Variants in SH3BP5 observed in about 807,000 individuals in gnomAD.
SH3BP5 encodes the protein SH3 domain-binding protein 5.
In SH3BP5, 22 loss-of-function variants were observed where a neutral mutation model predicts 43.3. The observed-to-expected ratio is 0.51, with a 90% CI of 0.36 to 0.73. The LOEUF (loss-of-function observed/expected upper bound fraction) is 0.73. Among genes scored for constraint, SH3BP5 ranks in the 30% least tolerant of loss-of-function variants. The probability of loss-of-function intolerance (pLI) is 0.00; values close to 1 mark genes in which losing one functional copy is unlikely to be tolerated. For synonymous variants in SH3BP5, 255 were observed against 225.8 expected (o/e 1.13, Z -1.16); for missense variants, 529 against 586.9 (o/e 0.90, Z 1.02).
At chr3:15,298,478 C>T (rs749110957) in intron 3 of SH3BP5, among the ~76,000 whole-genome samples, 56 of 152,294 alleles carry the variant, frequency 3.7e-4, no homozygotes, top group Admixed American at 6.5e-4. Flanking sequence ...CTAAATAATC[C>T]GCACTATTTT....
At chr3:15,285,389 C>T (rs1424168874) in intron 3 of SH3BP5, among the ~76,000 whole-genome samples, 1 of 152,140 alleles carries the variant, frequency 6.6e-6, no homozygotes, top group Admixed American at 6.5e-5. Context: ...AACTCATTCC[C>T]CGCTCCGCTC....
chr3:15,299,368 A>C (rs1394048749), intron 3 of SH3BP5, among the ~76,000 whole-genome samples: 1 of 152,190 alleles, frequency 6.6e-6, no homozygotes, highest in Admixed American at 6.5e-5. Flanking sequence ...CTTGGTTTTC[A>C]AGATCACAGA....
chr3:15,310,357 G>A (rs959798526), intron 2 of SH3BP5, among the ~76,000 whole-genome samples: 14 of 152,234 alleles, frequency 9.2e-5, no homozygotes, highest in African/African-American at 3.1e-4. Flanking sequence ...GTTCAACCTA[G>A]CTTTTATAAA....
In SH3BP5 at chr3:15,256,502, C is replaced by T. The variant is rs573301172; in HGVS notation, c.1151-199G>A. 14 of 632,866 alleles carry T rather than the reference C, an allele frequency of 2.2e-5. No individual in the cohort carries two copies. The East Asian group carries it at 2.7e-4, about 12-fold the overall frequency. 39.2% of individuals were successfully genotyped at this position (632,866 alleles called of 1,614,324 possible). A position where few individuals can be genotyped will look rare whatever the true frequency, so the allele number is the denominator to read the frequency against. On this transcript the variant is annotated intron_variant, in intron 8 of 8. Coordinates refer to ENST00000383791, the MANE Select transcript of SH3BP5 (RefSeq NM_004844.5). ...GAGGTTCTCAGTACATAATCATTTA[C>T]TGCTTTTATTCCTTGTGATGTTTTA...
chr3:15,274,136 C>T (rs1696893640), intron 3 of SH3BP5, among the ~76,000 whole-genome samples: 1 of 151,996 alleles, frequency 6.6e-6, no homozygotes, highest in Admixed American at 6.6e-5. Flanking sequence ...GTCCCAGCTA[C>T]TCGGGAGGCT....
At chr3:15,256,792 C>T in intron 8 of SH3BP5, 61 bp downstream of exon 8, 6 of 1,543,320 alleles carry the variant, frequency 3.9e-6, no homozygotes, top group South Asian at 2.5e-5. Context: ...TGGAATGGCA[C>T]AACAGTCAGG....
At chr3:15,288,442 A>G (rs1697323904) in intron 3 of SH3BP5, among the ~76,000 whole-genome samples, 1 of 152,214 alleles carries the variant, frequency 6.6e-6, no homozygotes, top group African/African-American at 2.4e-5. Context: ...TGGAGGTTTC[A>G]GGAGGCAGGA....
At chr3:15,298,280 T>C (rs763954118) in intron 3 of SH3BP5, among the ~76,000 whole-genome samples, 39 of 152,096 alleles carry the variant, frequency 2.6e-4, no homozygotes, top group Non-Finnish European at 5.1e-4. Flanking sequence ...CTCCATTTTA[T>C]GGATGAAAAA....
intron 3 of SH3BP5, among the ~76,000 whole-genome samples, chr3:15,295,700 G>A (rs1447342117): frequency 6.6e-6 from 1 of 152,210 alleles, no homozygotes; most frequent in Non-Finnish European, 1.5e-5. Flanking sequence ...ATCTGAACAT[G>A]AGTTCACTCA....
Position 15,322,830 on chromosome 3 carries a change from G to A in SH3BP5, c.201+7674C>T, listed in dbSNP as rs540837014. Reference sequence around the variant, plus strand: ...ACCCTGGGCAACAGAGACCAACACTGTCTCAGGAAAAAACAAAAACAAAGC... The same window carrying A: ...ACCCTGGGCAACAGAGACCAACACTATCTCAGGAAAAAACAAAAACAAAGC... On this transcript the variant is annotated intron_variant, in intron 2 of 8. Coordinates refer to ENST00000383791, the MANE Select transcript of SH3BP5 (RefSeq NM_004844.5). 1.1e-4 allele frequency among the ~76,000 whole-genome samples: 16 copies of A among 151,422 alleles called. No homozygotes were observed. In the South Asian group the frequency reaches 3.0e-3, roughly 28 times the overall value.
At chr3:15,316,319 G>A (rs188716187) in intron 2 of SH3BP5, among the ~76,000 whole-genome samples, 1 of 142,804 alleles carries the variant, frequency 7.0e-6, no homozygotes, top group African/African-American at 2.6e-5. Flanking sequence ...CCGCCTCCCG[G>A]GTTCAAGTGA....
intron 3 of SH3BP5, among the ~76,000 whole-genome samples, chr3:15,293,147 T>G (rs998837372): frequency 1.6e-4 from 25 of 152,382 alleles, no homozygotes; most frequent in Admixed American, 7.8e-4. Context: ...TAAGAGTCCA[T>G]GCTCAGTTCT....
rs1477355878 is a variant in SH3BP5, at chr3:15,308,005, A to T, written c.202-3774T>A. Among the ~76,000 whole-genome samples, 4 of 152,360 alleles carry T rather than the reference A, an allele frequency of 2.6e-5. 1 individual carries two copies. In the Middle Eastern group the frequency reaches 0.01, roughly 389 times the overall value. On this transcript the variant is annotated intron_variant, in intron 2 of 8. Coordinates refer to ENST00000383791, the MANE Select transcript of SH3BP5 (RefSeq NM_004844.5). ...CGTCAGGGAAAATTCACATTTAAAA[A>T]AAAAATGAATTCTCAAACTTTTCAT...
chr3:15,262,189 T>C lies in SH3BP5; in HGVS notation c.596A>G (p.Lys199Arg). The part of the protein sequence containing the change: ...AAMGRMRQLE[K>R]KLKRAINKSK... ...CTTGTTGATGGCTCTCTTGAGTTTC[T>C]TCTCCAGCTGTCGCATGCGGCCCAT... The change falls in exon 5 of 9, where the codon AAG (lysine) becomes AGG (arginine). Residue 199 changes from lysine (K) to arginine (R), a missense_variant. Coordinates refer to ENST00000383791, the MANE Select transcript of SH3BP5 (RefSeq NM_004844.5). 1 of 1,614,156 alleles carries C rather than the reference T, an allele frequency of 6.2e-7. No homozygotes were observed. Among genetic ancestry groups the C allele is most frequent in the Non-Finnish European group, 8.5e-7 (1 of 1,180,016 alleles).
At chr3:15,263,550 A>G (rs1192576667) in intron 4 of SH3BP5, among the ~76,000 whole-genome samples, 1 of 152,260 alleles carries the variant, frequency 6.6e-6, no homozygotes, top group Non-Finnish European at 1.5e-5. Context: ...AACATTTGTG[A>G]GCAGAAGACA....
intron 3 of SH3BP5, among the ~76,000 whole-genome samples, chr3:15,281,333 C>T (rs147525850): frequency 2.9e-3 from 439 of 152,220 alleles, no homozygotes; most frequent in Non-Finnish European, 4.5e-3. Context: ...GGACCAGTGA[C>T]AACTGGGCCA....
intron 2 of SH3BP5, among the ~76,000 whole-genome samples, chr3:15,326,272 A>T (rs558016874): frequency 1.3e-5 from 2 of 152,296 alleles, no homozygotes; most frequent in African/African-American, 4.8e-5. Context: ...TGGCATCCAG[A>T]GGCCCTTTTG....
At chr3:15,302,782 G>T (rs1697788174) in intron 3 of SH3BP5, among the ~76,000 whole-genome samples, 1 of 151,786 alleles carries the variant, frequency 6.6e-6, no homozygotes, top group Admixed American at 6.6e-5. Context: ...CAGAAACTTT[G>T]CATTGTTGTT....
intron 2 of SH3BP5, 119 bp from the exon 3 acceptor site, chr3:15,304,350 G>T: frequency 6.8e-7 from 1 of 1,460,524 alleles, no homozygotes; most frequent in East Asian, 2.3e-5. Context: ...GACCCCTAAA[G>T]TAGCACCTTT....
Sources: gnomAD v4.1 joint callset for allele counts (sites outside exome capture counted in the v4.1 genomes callset) on GRCh38, gnomAD v4.1.1 for gene constraint, MANE v1.5 for transcripts, NCBI Gene and HGNC (gene_info 2026-07-23, HGNC 2026-07-21) for gene names.